SUN1: variants seen among roughly 807,000 people sequenced by gnomAD.
SUN1 encodes SUN domain-containing protein 1.
Under a neutral mutation model 103.2 loss-of-function variants are expected in SUN1, and 61 were observed. The observed-to-expected ratio is 0.59, with a 90% CI of 0.48 to 0.73. The LOEUF (loss-of-function observed/expected upper bound fraction) is 0.73, where lower values mean the gene tolerates loss of function less well. Among genes scored for constraint, SUN1 ranks in the 30% least tolerant of loss-of-function variants. The pLI is 0.00. For missense variants in SUN1, 1,052 were observed against 1,034.6 expected (o/e 1.02, Z -0.23); for synonymous variants, 490 against 425.7 (o/e 1.15, Z -1.86).
chr7:821,234 A>C (rs979690432), intron 1 of SUN1, among the ~76,000 whole-genome samples: 1 of 126,144 alleles, frequency 7.9e-6, no homozygotes, highest in Admixed American at 1.1e-4. Flanking sequence ...CAGTGGAGCG[A>C]TCTCGGCTCA....
rs1366470151 is a variant in SUN1, at chr7:852,554, G to A, written c.852-55G>A. 3.1e-6 allele frequency: 5 copies of A among 1,605,080 alleles called. No homozygotes were observed. In the East Asian group the frequency reaches 1.1e-4, roughly 36 times the overall value. ...ATTATCTAGAGGGGGAAAACAGATT[G>A]GTGAACCCTGACTTTCATTTTTTCT... is the stretch of plus-strand genomic sequence containing the variant. On this transcript the variant is annotated intron_variant, in intron 7 of 18. Coordinates refer to ENST00000401592, the MANE Select transcript of SUN1 (RefSeq NM_001130965.3).
At chr7:869,211 T>C in intron 16 of SUN1, 138 bp from the exon 17 acceptor site, 2 of 1,050,626 alleles carry the variant, frequency 1.9e-6, no homozygotes, top group South Asian at 1.6e-5. Flanking sequence ...TCCCAGCTTA[T>C]CTTCGGATTT....
chr7:859,493 G>T (rs1830476007), intron 13 of SUN1, among the ~76,000 whole-genome samples: 1 of 152,212 alleles, frequency 6.6e-6, no homozygotes, highest in East Asian at 1.9e-4. Flanking sequence ...GGAAGTGTGT[G>T]TGGGGAGGAG....
chr7:869,005 C>G (rs1402226634), intron 16 of SUN1: 1 of 353,614 alleles, frequency 2.8e-6, no homozygotes, highest in African/African-American at 2.2e-5. Flanking sequence ...AGTGCTGGTT[C>G]CCTGTGGTGG....
At chr7:856,514 C>A in intron 12 of SUN1, 113 bp downstream of exon 12, 1 of 1,167,580 alleles carries the variant, frequency 8.6e-7, no homozygotes, top group Non-Finnish European at 1.3e-6. Context: ...CCGAGGGTCA[C>A]CTGAAGGCCC....
At chr7:869,133 G>A (rs909070361) in intron 16 of SUN1, 13 of 588,670 alleles carry the variant, frequency 2.2e-5, no homozygotes, top group Admixed American at 6.2e-5. Flanking sequence ...GGTTCTGGTC[G>A]TTTTAACTTT....
intron 5 of SUN1, among the ~76,000 whole-genome samples, chr7:844,638 G>A (rs989655027): frequency 1.3e-5 from 2 of 152,234 alleles, no homozygotes; most frequent in South Asian, 4.1e-4. Context: ...AAGGTGGCGG[G>A]AGCGGGGCGG....
At chr7:838,759 A>G (rs778997345) in intron 1 of SUN1, 39 bp from the exon 2 acceptor site, 25 of 1,483,866 alleles carry the variant, frequency 1.7e-5, no homozygotes, top group Middle Eastern at 1.7e-4. Flanking sequence ...AATGGGGGCT[A>G]TAAGCACTGC....
chr7:871,197 A>G (rs1451536594), intron 17 of SUN1, among the ~76,000 whole-genome samples: 2 of 152,086 alleles, frequency 1.3e-5, no homozygotes, highest in Admixed American at 6.5e-5. Context: ...ATTTCTCTGT[A>G]TTTCAGATGC....
Position 856,357 on chromosome 7 carries a change from G to C in SUN1, c.1351-1G>C. 2.5e-6 allele frequency: 4 copies of C among 1,613,920 alleles called. No homozygotes were observed. Among genetic ancestry groups the C allele is most frequent in the Non-Finnish European group, 3.4e-6 (4 of 1,179,920 alleles). ...AGTAGACTATTTCTCATACTTTTTA[G>C]GCCATCCAGAAGGAACTAGAACAGA... On this transcript the variant is annotated splice_acceptor_variant, in intron 11 of 18. Coordinates refer to ENST00000401592, the MANE Select transcript of SUN1 (RefSeq NM_001130965.3). LOFTEE classifies it high-confidence loss of function.
At chr7:856,297 T>C in intron 11 of SUN1, 61 bp from the exon 12 acceptor site, 1 of 1,543,924 alleles carries the variant, frequency 6.5e-7, no homozygotes, top group South Asian at 1.1e-5. Flanking sequence ...AAGTATGTGG[T>C]TTTATGAAAA....
At chr7:836,349 G>A (rs994552145) in intron 1 of SUN1, among the ~76,000 whole-genome samples, 1 of 152,202 alleles carries the variant, frequency 6.6e-6, no homozygotes, top group Non-Finnish European at 1.5e-5. Context: ...ATGAGTAAAC[G>A]TATGAATAGG....
At chr7:854,801 C>G (rs1584942654) in intron 10 of SUN1, 119 bp from the exon 11 acceptor site, 1 of 690,044 alleles carries the variant, frequency 1.4e-6, no homozygotes, top group East Asian at 2.6e-5. Context: ...GTCCGTGCCA[C>G]ATTGCGACCA....
chr7:842,042 T>C lies in SUN1; in HGVS notation c.363T>C (p.Thr121=), dbSNP rs1266147950. Residue 121 remains threonine (T), a synonymous_variant, in exon 3 of 19, where the codon ACT becomes ACC. Coordinates refer to ENST00000401592, the MANE Select transcript of SUN1 (RefSeq NM_001130965.3). The part of the protein sequence containing the change: ...VTSSGVSHGG[T]VSLQDAVTRR... ...CCTCTGGCGTCAGCCACGGCGGCAC[T>C]GTCAGCCTGCAGGATGCTGTGACTC... 2.5e-6 allele frequency: 4 copies of C among 1,614,128 alleles called. No individual in the cohort carries two copies. Among genetic ancestry groups the C allele is most frequent in the East Asian group, 2.2e-5 (1 of 44,900 alleles).
intron 17 of SUN1, among the ~76,000 whole-genome samples, chr7:870,781 C>T (rs987226297): frequency 3.9e-5 from 6 of 152,222 alleles, no homozygotes; most frequent in African/African-American, 4.8e-5. Flanking sequence ...AATTAATTCC[C>T]GTGGACGAGA....
At chr7:864,552 C>G (rs1221333628) in intron 15 of SUN1, among the ~76,000 whole-genome samples, 1 of 111,536 alleles carries the variant, frequency 9.0e-6, no homozygotes, top group Non-Finnish European at 1.8e-5. Context: ...AAAACTTTAT[C>G]TCAAAAAAAA....
chr7:848,400 T>G (rs1406636118), intron 5 of SUN1: 1 of 1,348,032 alleles, frequency 7.4e-7, no homozygotes, highest in Admixed American at 2.2e-5. Flanking sequence ...ATAACGCATG[T>G]TCATGGTTTT....
rs776271425 is a variant in SUN1 at position 842,108 on chromosome 7, G to A, written c.429G>A (p.Gln143=). 9.9e-6 allele frequency: 16 copies of A among 1,613,976 alleles called. No individual in the cohort carries two copies. Among genetic ancestry groups the A allele is most frequent in the South Asian group, 2.2e-5 (2 of 91,068 alleles). ...TGGACGAGTCTTGGATTCGTGAACAGACCACAGTGGACCACTTCTGGGGTG... is the reference window on the plus strand; with the variant it reads ...TGGACGAGTCTTGGATTCGTGAACAAACCACAGTGGACCACTTCTGGGGTG... ...PVLDESWIRE[Q]TTVDHFWGLD... Residue 143 remains glutamine, a synonymous_variant, in exon 3 of 19, where the codon CAG becomes CAA. Coordinates refer to ENST00000401592, the MANE Select transcript of SUN1 (RefSeq NM_001130965.3).
upstream of SUN1, among the ~76,000 whole-genome samples, chr7:830,072 T>C (rs10266941): frequency 0.017 from 2,523 of 152,326 alleles, 46 homozygotes; most frequent in African/African-American, 0.046. Flanking sequence ...TTTCCAAATT[T>C]AAAATGATCC....
Sources: allele counts gnomAD v4.1 joint callset (sites outside exome capture counted in the v4.1 genomes callset), GRCh38; gene constraint gnomAD v4.1.1; transcripts MANE v1.5; gene names NCBI Gene and HGNC (gene_info 2026-07-23, HGNC 2026-07-21).